NDUFAF6: variants seen among roughly 807,000 people sequenced by gnomAD.
NDUFAF6 encodes NADH dehydrogenase (ubiquinone) complex I, assembly factor 6.
NDUFAF6 carries 45 observed loss-of-function variants against 40.8 expected under a neutral mutation model. The observed-to-expected ratio is 1.10, with a 90% confidence interval of 0.87 to 1.42. NDUFAF6 has a LOEUF of 1.42. Among genes scored for constraint, NDUFAF6 ranks in the 40% most tolerant of loss-of-function variants. The pLI, the probability that NDUFAF6 is intolerant of heterozygous loss-of-function variation, is 0.00. For missense variants in NDUFAF6, 435 were observed against 418.5 expected (o/e 1.04, Z -0.34); for synonymous variants, 185 against 155.9 (o/e 1.19, Z -1.39).
intron 1 of NDUFAF6, among the ~76,000 whole-genome samples, chr8:94,970,939 C>T (rs1226891417): frequency 6.6e-6 from 1 of 152,192 alleles, no homozygotes; most frequent in Non-Finnish European, 1.5e-5. Flanking sequence ...ACCATGGCCT[C>T]TCAAAGTGCT....
At chr8:95,031,295 G>A (rs1047998684) in intron 1 of NDUFAF6, among the ~76,000 whole-genome samples, 3 of 152,180 alleles carry the variant, frequency 2.0e-5, no homozygotes, top group African/African-American at 7.2e-5. Flanking sequence ...ACGTATGTGT[G>A]CACACAGTCC....
Position 95,047,744 on chromosome 8 carries a change from C to G in NDUFAF6, c.714+617C>G, listed in dbSNP as rs11995723. On this transcript the variant is annotated intron_variant, in intron 6 of 8. Coordinates refer to ENST00000396124, the MANE Select transcript of NDUFAF6 (RefSeq NM_152416.4). ...CAGGATGGTCTAGATCTCCTGAACT[C>G]GTGATTCGCTTGCCTCGGCCTCCCA... is the stretch of plus-strand genomic sequence containing the variant. Among the ~76,000 whole-genome samples, 3 of 151,644 alleles carry G rather than the reference C, an allele frequency of 2.0e-5. No homozygotes were observed. In the South Asian group the frequency reaches 6.2e-4, roughly 31 times the overall value.
At chr8:95,057,653 T>G (rs887858546) in intron 8 of NDUFAF6, among the ~76,000 whole-genome samples, 156 bp from the exon 9 acceptor site, 10 of 150,016 alleles carry the variant, frequency 6.7e-5, no homozygotes, top group Non-Finnish European at 1.3e-4. Context: ...TTGGATGTCT[T>G]TTTCTTTCTC....
At chr8:95,107,249 A>G (rs1809865838), downstream of NDUFAF6, among the ~76,000 whole-genome samples, 2 of 152,242 alleles carry the variant, frequency 1.3e-5, no homozygotes, top group Non-Finnish European at 2.9e-5. Flanking sequence ...CCCAGCAATG[A>G]TAGACTGGAT....
Position 94,981,927 on chromosome 8 carries a change from C to CAAA in NDUFAF6, c.-84+970_-84+972dup, listed in dbSNP as rs35674623. On this transcript the variant is annotated intron_variant, in intron 2 of 9. Transcript: ENST00000396111. ...TAAATGACAGAGTGAGACCCTGTCT[C>CAAA]AAAAAAAAAAAAAAAAAATTGGCCA... 1.6e-3 allele frequency among the ~76,000 whole-genome samples: 154 copies of CAAA among 93,540 alleles called. 1 individual carries two copies. Among genetic ancestry groups the CAAA allele is most frequent in the African/African-American group, 5.7e-3 (143 of 25,192 alleles). 61.4% of individuals were successfully genotyped at this position (93,540 alleles called of 152,430 possible). A position where few individuals can be genotyped will look rare whatever the true frequency, so the allele number is the denominator to read the frequency against.
At chr8:94,968,979 G>A (rs934035343) in intron 1 of NDUFAF6, among the ~76,000 whole-genome samples, 7 of 152,156 alleles carry the variant, frequency 4.6e-5, no homozygotes, top group African/African-American at 1.7e-4. Flanking sequence ...GCTCAGGTGG[G>A]GAGGATGAAC....
chr8:95,049,226 ACACCATAGACGT>A (rs2131922338), intron 7 of NDUFAF6, among the ~76,000 whole-genome samples: 1 of 151,526 alleles, frequency 6.6e-6, no homozygotes, highest in African/African-American at 2.4e-5. Flanking sequence ...TCTTTTTTTG[ACACCATAGACGT>A]CTCTCTCTGT....
downstream of NDUFAF6, among the ~76,000 whole-genome samples, chr8:95,105,066 CAGAGAGAGAGAGAGAGAGAGAG>C (rs55705930): frequency 2.9e-3 from 213 of 72,888 alleles, no homozygotes; most frequent in African/African-American, 8.3e-3. Flanking sequence ...CACACACACA[CAGAGAGAGAGAGAGAGAGAGAG>C]AGAGAGAGAG....
chr8:95,099,799 C>T (rs1015784810), upstream of NDUFAF6, among the ~76,000 whole-genome samples: 2 of 152,184 alleles, frequency 1.3e-5, no homozygotes, highest in African/African-American at 2.4e-5. Flanking sequence ...TGAAGTTCAG[C>T]TCTTCTCATT....
intron 2 of NDUFAF6, among the ~76,000 whole-genome samples, chr8:95,101,739 T>C (rs1468304683): frequency 6.6e-6 from 1 of 152,224 alleles, no homozygotes; most frequent in Non-Finnish European, 1.5e-5. Context: ...TCCCCTTTTG[T>C]GGCTTCTGTA....
chr8:94,986,091 T>C (rs972667610), intron 2 of NDUFAF6, among the ~76,000 whole-genome samples: 2 of 152,116 alleles, frequency 1.3e-5, no homozygotes, highest in African/African-American at 4.8e-5. Context: ...ACCAGGATGG[T>C]CTCGATCTCC....
intron 8 of NDUFAF6, among the ~76,000 whole-genome samples, chr8:95,052,867 T>C (rs1331229946): frequency 6.6e-6 from 1 of 152,222 alleles, no homozygotes; most frequent in African/African-American, 2.4e-5. Context: ...ACTGTTGTTC[T>C]AAAACTACAT....
At chr8:95,078,246 T>C (rs951055599), downstream of NDUFAF6, among the ~76,000 whole-genome samples, 13 of 152,072 alleles carry the variant, frequency 8.5e-5, no homozygotes, top group Non-Finnish European at 1.6e-4. Context: ...CTTGCATGCA[T>C]TGAGTGTGGA....
At chr8:95,037,449 T>TTGGCCCACTG (rs1422746321) in intron 3 of NDUFAF6, among the ~76,000 whole-genome samples, 2 of 152,166 alleles carry the variant, frequency 1.3e-5, no homozygotes, top group African/African-American at 2.4e-5. Flanking sequence ...AAATCAAACA[T>TTGGCCCACTG]GCCCATCGGC....
intron 3 of NDUFAF6, among the ~76,000 whole-genome samples, chr8:95,039,862 T>C (rs533344051): frequency 1.3e-5 from 2 of 152,296 alleles, no homozygotes; most frequent in South Asian, 4.1e-4. Context: ...ACTCCTGAAC[T>C]CAAGTGATCC....
chr8:94,931,747 G>A (rs1247710667), intron 1 of NDUFAF6, among the ~76,000 whole-genome samples: 3 of 152,170 alleles, frequency 2.0e-5, no homozygotes, highest in Non-Finnish European at 4.4e-5. Flanking sequence ...GGCTGAGGCA[G>A]GTGGATCACC....
At chr8:95,097,749 T>C (rs983751680), upstream of NDUFAF6, among the ~76,000 whole-genome samples, 1 of 152,178 alleles carries the variant, frequency 6.6e-6, no homozygotes, top group Non-Finnish European at 1.5e-5. Context: ...ATCTTCTGCC[T>C]GTATTGGTGG....
chr8:94,940,445 C>CTGTGTG (rs60473555), intron 1 of NDUFAF6, among the ~76,000 whole-genome samples: 7 of 150,358 alleles, frequency 4.7e-5, no homozygotes, highest in African/African-American at 1.5e-4. Context: ...CACAGAAATT[C>CTGTGTG]TGTGTGTGTG....
chr8:94,988,470 A>G (rs1490651046), intron 2 of NDUFAF6: 2 of 152,228 alleles, frequency 1.3e-5, no homozygotes, highest in Non-Finnish European at 2.9e-5. Context: ...TGTCTTACAA[A>G]GAACCATTTT....
Sources: gnomAD v4.1 joint callset for allele counts (sites outside exome capture counted in the v4.1 genomes callset) on GRCh38, gnomAD v4.1.1 for gene constraint, MANE v1.5 for transcripts, NCBI Gene and HGNC (gene_info 2026-07-23, HGNC 2026-07-21) for gene names.